The following LZTS3 variants were observed in gnomAD, a reference collection of about 807,000 sequenced individuals.
LZTS3 encodes leucine zipper putative tumor suppressor 3.
Under a neutral mutation model 50.9 loss-of-function variants are expected in LZTS3, and 16 were observed. The ratio of observed to expected loss-of-function variants is 0.31; its 90% confidence interval spans 0.21 to 0.48. The LOEUF (loss-of-function observed/expected upper bound fraction) is 0.48, where lower values mean the gene tolerates loss of function less well. Among genes scored for constraint, LZTS3 ranks in the 20% least tolerant of loss-of-function variants. The probability of loss-of-function intolerance (pLI) is 0.99; values close to 1 mark genes in which losing one functional copy is unlikely to be tolerated. For synonymous variants in LZTS3, 408 were observed against 410.6 expected (o/e 0.99, Z 0.08); for missense variants, 816 against 931.0 (o/e 0.88, Z 1.61).
At position 3,165,493 on chromosome 20, in the gene LZTS3, G is replaced by A. The variant is rs2066799422; in HGVS notation, c.1323+4C>T. On this transcript the variant is annotated splice_donor_region_variant and intron_variant, in intron 4 of 4. Transcript: ENST00000337576. The surrounding 1 kb of genome is among the most constrained non-coding windows in gnomAD (Gnocchi z 5.0). ...GAGGGGAGGCCCAGATCCCCAGCCC[G>A]CACCTCCCACTTAGTTTCCTCTATC... The A allele has an allele frequency of 6.7e-7, 1 of 1,487,870 alleles. No individual in the cohort carries two copies. Among genetic ancestry groups the A allele is most frequent in the Non-Finnish European group, 9.0e-7 (1 of 1,115,166 alleles). The allele number at this position is 1,487,870 out of a possible 1,614,324, so 92.2% of individuals were successfully genotyped here. A position where few individuals can be genotyped will look rare whatever the true frequency, so the allele number is the denominator to read the frequency against.
Position 3,164,640 on chromosome 20 carries a change from C to A in LZTS3, c.1836G>T (p.Val612=). The A allele has an allele frequency of 6.2e-7, 1 of 1,613,114 alleles. No homozygotes were observed. The highest frequency in any genetic ancestry group is 8.5e-7 in the Non-Finnish European group (1 of 1,179,520). The change falls in exon 5 of 5, where the codon GTG becomes GTT. Residue 612 remains valine (V), a synonymous_variant. Transcript: ENST00000337576. ...RRVWLEEKEK[V]IEYQKQLQLS... ...GCTGCAGCTGCTTCTGGTACTCGAT[C>A]ACCTTCTCCTTCTCCTCCAGCCACA...
chr20:3,163,539 G>C lies in LZTS3; in HGVS notation c.*915C>G, dbSNP rs2066760758. 1 of 152,756 alleles carries C rather than the reference G, an allele frequency of 6.5e-6. No individual in the cohort carries two copies. The allele number at this position is 152,756 out of a possible 1,614,324, so 9.5% of individuals were successfully genotyped here. On this transcript the variant is annotated 3_prime_UTR_variant, in exon 5 of 5. Coordinates refer to ENST00000337576, the MANE Select transcript of LZTS3 (RefSeq NM_001365618.1). The surrounding 1 kb of genome is among the most constrained non-coding windows in gnomAD (Gnocchi z 5.2). The stretch of plus-strand genomic sequence containing the variant: ...AAAGCAGAAAGAGGCTGGGGGAATA[G>C]AGTGCGGGAAGACATCGCAGACACT...
chr20:3,165,757 C>T lies in LZTS3; in HGVS notation c.1063G>A (p.Glu355Lys). ...TCCCGCTCCCACGCCTTCTGCCGCT[C>T]CTCCAGTACCTGGGCCACAGCCGCC... ...SEAAVAQVLE[E>K]RQKAWERELA... The change falls in exon 4 of 5, where the codon GAG becomes AAG. Residue 355 changes from glutamate (E) to lysine (K), a missense_variant. By Grantham distance (56) the Glu-to-Lys change is moderately conservative (BLOSUM62 1). Transcript: ENST00000337576. This position sits in a 1 kb window ranked among gnomAD's most constrained non-coding sequence, Gnocchi z 5.0. 6.3e-7 allele frequency: 1 copy of T among 1,577,892 alleles called. No individual in the cohort carries two copies. Among genetic ancestry groups the T allele is most frequent in the South Asian group, 1.1e-5 (1 of 88,394 alleles).
Position 3,165,530 on chromosome 20 carries a change from G to GTT in LZTS3, c.1289_1290insAA (p.Asp430GlufsTer7). On this transcript the variant is annotated frameshift_variant, in exon 4 of 5. Transcript: ENST00000337576. LOFTEE classifies it high-confidence loss of function. The surrounding 1 kb of genome is among the most constrained non-coding windows in gnomAD (Gnocchi z 5.0). Reference sequence around the variant, plus strand: ...TAGTTTCCTCTATCCGGGGCAGGAAGTCGGCCTGCTCCTTCTGGCAGGCGG... The same window carrying GTT: ...TAGTTTCCTCTATCCGGGGCAGGAAGTTTCGGCCTGCTCCTTCTGGCAGGCGG... 6.4e-7 allele frequency: 1 copy of GTT among 1,563,838 alleles called. No homozygotes were observed.
At position 3,164,543 on chromosome 20, in the gene LZTS3, C is replaced by G. The variant is rs1391065205; in HGVS notation, c.1933G>C (p.Gly645Arg). 14 of 1,605,004 alleles carry G rather than the reference C, an allele frequency of 8.7e-6. No homozygotes were observed. Among genetic ancestry groups the G allele is most frequent in the Non-Finnish European group, 1.1e-5 (13 of 1,175,994 alleles). Reference protein sequence around the residue: ...RRLRERGAAGGASTPTPQHGE... With the variant: ...RRLRERGAAGRASTPTPQHGE... ...TGCTGGGGAGTGGGCGTGCTTGCAC[C>G]CCCTGCGGCCCCGCGCTCCCGCAGC... The change falls in exon 5 of 5, where the codon GGT becomes CGT. Residue 645 changes from glycine to arginine, a missense_variant. Coordinates refer to ENST00000337576, the MANE Select transcript of LZTS3 (RefSeq NM_001365618.1).
Position 3,166,884 on chromosome 20 carries a change from C to T in LZTS3, c.280G>A (p.Ala94Thr), listed in dbSNP as rs545635836. 98 of 1,613,522 alleles carry T rather than the reference C, an allele frequency of 6.1e-5. 1 individual carries two copies. The South Asian group carries it at 6.7e-4, about 11-fold the overall frequency. ...TCACCATTGAGGTAGAGGGAGTTGGCGAGACCCTTGTCCTCTGAGGGGTAG... is the reference window on the plus strand; with the variant it reads ...TCACCATTGAGGTAGAGGGAGTTGGTGAGACCCTTGTCCTCTGAGGGGTAG... ...GRYPSEDKGL[A>T]NSLYLNGELR... Residue 94 changes from alanine (A) to threonine (T), a missense_variant, in exon 3 of 5, where the codon GCC becomes ACC. This residue lies in a region of LZTS3 where 700 missense variants were observed against 769.4 expected (regional missense o/e 0.91). Coordinates refer to ENST00000337576, the MANE Select transcript of LZTS3 (RefSeq NM_001365618.1).
In LZTS3 at chr20:3,167,751, T is replaced by G. The variant is rs1172614959; in HGVS notation, c.-32A>C. 2.0e-6 allele frequency: 2 copies of G among 985,348 alleles called. No homozygotes were observed. 61.0% of individuals were successfully genotyped at this position (985,348 alleles called of 1,614,324 possible). ...CAGCCCCCTAACCTAAGTGTTGCAG[T>G]CAGGGCAGAAGTGGAAGCTCACTAC... On this transcript the variant is annotated 5_prime_UTR_variant, in exon 2 of 5. It removes the in-frame stop codon of an upstream open reading frame in the 5' UTR. Transcript: ENST00000337576.
intron 1 of LZTS3, among the ~76,000 whole-genome samples, chr20:3,171,644 C>T (rs1210714547): frequency 9.1e-5 from 13 of 142,180 alleles, no homozygotes; most frequent in South Asian, 2.2e-4. Flanking sequence ...GCCTGGGCAA[C>T]GGAGTGAGAT....
chr20:3,169,851 C>T (rs1263531163), intron 1 of LZTS3, among the ~76,000 whole-genome samples: 1 of 144,500 alleles, frequency 6.9e-6, no homozygotes, highest in Non-Finnish European at 1.5e-5. Flanking sequence ...TGCACTCCAG[C>T]CTGGGTGACA....
Position 3,164,882 on chromosome 20 carries a change from C to G in LZTS3, c.1594G>C (p.Ala532Pro), listed in dbSNP as rs764685279. The change falls in exon 5 of 5, where the codon GCT becomes CCT. Residue 532 changes from alanine (A) to proline (P), a missense_variant. Ala to Pro is a conservative substitution (Grantham distance 27). This residue lies in a region of LZTS3 where 700 missense variants were observed against 769.4 expected (regional missense o/e 0.91). Coordinates refer to ENST00000337576, the MANE Select transcript of LZTS3 (RefSeq NM_001365618.1). ...TPVDPAEPQDALATCESDEAK... is the reference protein window; with the variant it reads ...TPVDPAEPQDPLATCESDEAK... ...TCGTCGCTCTCGCAGGTGGCCAGAG[C>G]ATCCTGTGGCTCGGCCGGGTCCACG... is the stretch of plus-strand genomic sequence containing the variant. 1 of 1,555,080 alleles carries G rather than the reference C, an allele frequency of 6.4e-7. No homozygotes were observed.
At chr20:3,171,025 G>A (rs2066897011) in intron 1 of LZTS3, among the ~76,000 whole-genome samples, 1 of 152,176 alleles carries the variant, frequency 6.6e-6, no homozygotes, top group African/African-American at 2.4e-5. Flanking sequence ...TAGGCAAGGG[G>A]ATAGCAAGGT....
In LZTS3 at chr20:3,170,491, A is replaced by AAAACAAAC. The variant is rs1555768558; in HGVS notation, c.-242-2531_-242-2530insGTTTGTTT. On this transcript the variant is annotated intron_variant, in intron 1 of 4. Coordinates refer to ENST00000337576, the MANE Select transcript of LZTS3 (RefSeq NM_001365618.1). ...AAGACAGAGCGAGACTACATCAAAA[A>AAAACAAAC]AAAAAAAAAAAAAAACAGGTTGGCG... is the stretch of plus-strand genomic sequence containing the variant. Among the ~76,000 whole-genome samples, 15 of 140,172 alleles carry AAAACAAAC rather than the reference A, an allele frequency of 1.1e-4. 1 individual carries two copies. Among genetic ancestry groups the AAAACAAAC allele is most frequent in the South Asian group, 7.3e-4 (3 of 4,126 alleles). 92.0% of individuals were successfully genotyped at this position (140,172 alleles called of 152,430 possible).
rs1030382091 is a variant in LZTS3, at chr20:3,165,397, C to T, written c.1323+100G>A. 7.7e-6 allele frequency: 9 copies of T among 1,173,728 alleles called. No individual in the cohort carries two copies. The highest frequency in any genetic ancestry group is 1.7e-5 in the African/African-American group (1 of 60,214). The allele number at this position is 1,173,728 out of a possible 1,614,324, so 72.7% of individuals were successfully genotyped here. On this transcript the variant is annotated intron_variant, in intron 4 of 4. Transcript: ENST00000337576. This position sits in a 1 kb window ranked among gnomAD's most constrained non-coding sequence, Gnocchi z 5.0. ...TGTCCCCCCTGCTCCTTTCATCCCCCCCCCCATCCCACCGTTATGATAGTG... is the reference window on the plus strand; with the variant it reads ...TGTCCCCCCTGCTCCTTTCATCCCCTCCCCCATCCCACCGTTATGATAGTG...
chr20:3,171,920 G>A (rs946519721), intron 1 of LZTS3, among the ~76,000 whole-genome samples: 1 of 152,088 alleles, frequency 6.6e-6, no homozygotes, highest in Non-Finnish European at 1.5e-5. Flanking sequence ...GTCATGAGGG[G>A]GCCAAACGGA....
intron 1 of LZTS3, among the ~76,000 whole-genome samples, chr20:3,170,157 C>G (rs1002226564): frequency 6.6e-6 from 1 of 152,002 alleles, no homozygotes; most frequent in Non-Finnish European, 1.5e-5. Context: ...GAGCTGGTCT[C>G]GAGACATCAC....
chr20:3,164,187 A>C lies in LZTS3; in HGVS notation c.*267T>G. 1 of 405,874 alleles carries C rather than the reference A, an allele frequency of 2.5e-6. No individual in the cohort carries two copies. Among genetic ancestry groups the C allele is most frequent in the Non-Finnish European group, 4.3e-6 (1 of 232,246 alleles). The allele number at this position is 405,874 out of a possible 1,614,324, so 25.1% of individuals were successfully genotyped here. Reference sequence around the variant, plus strand: ...ACAAGGGGGTGCCGAGAAAGGGAGCATGACTCCCCCACCACCTAGGATTGC... The same window carrying C: ...ACAAGGGGGTGCCGAGAAAGGGAGCCTGACTCCCCCACCACCTAGGATTGC... On this transcript the variant is annotated 3_prime_UTR_variant, in exon 5 of 5. Transcript: ENST00000337576.
chr20:3,172,178 C>T (rs1450908308), intron 1 of LZTS3, among the ~76,000 whole-genome samples: 1 of 152,246 alleles, frequency 6.6e-6, no homozygotes. Context: ...GATCTTGCCC[C>T]TGCTCTGTCC....
At chr20:3,167,705 A>T in intron 2 of LZTS3, 33 bp downstream of exon 2, 12 of 985,824 alleles carry the variant, frequency 1.2e-5, no homozygotes, top group Non-Finnish European at 1.4e-5. Context: ...CTATCCAAAA[A>T]TTGAGGGTGG....
rs201302703 is a variant in LZTS3, at chr20:3,167,003, C to T, written c.161G>A (p.Ser54Asn). ...VAHAQEFAMK[S>N]VGTRTGGGGS... is the part of the protein sequence containing the mutation. ...CCCACCCCCTGTGCGGGTACCCACGCTCTTCATGGCAAACTCCTGGGCATG... is the reference window on the plus strand; with the variant it reads ...CCCACCCCCTGTGCGGGTACCCACGTTCTTCATGGCAAACTCCTGGGCATG... The change falls in exon 3 of 5, where the codon AGC (serine) becomes AAC (asparagine). Residue 54 changes from serine to asparagine, a missense_variant. By Grantham distance (46) the Ser-to-Asn change is conservative. Transcript: ENST00000337576. 57 of 1,592,506 alleles carry T rather than the reference C, an allele frequency of 3.6e-5. 1 individual carries two copies. The Admixed American group carries it at 6.6e-4, about 18-fold the overall frequency.
Sources: gnomAD v4.1 joint callset for allele counts (sites outside exome capture counted in the v4.1 genomes callset) on GRCh38, gnomAD v4.1.1 for gene constraint, gnomAD v4.1.1 regional missense constraint, Gnocchi (gnomAD v3.1) non-coding constraint, MANE v1.5 for transcripts, NCBI Gene and HGNC (gene_info 2026-07-23, HGNC 2026-07-21) for gene names.